The following TNRC18 variants were observed in gnomAD, a reference collection of about 807,000 sequenced individuals.
TNRC18 encodes the protein trinucleotide repeat-containing gene 18 protein.
In TNRC18, 69 loss-of-function variants were observed where a neutral mutation model predicts 226.7. The ratio of observed to expected loss-of-function variants is 0.30; its 90% confidence interval spans 0.25 to 0.37. TNRC18 has a LOEUF of 0.37. Among genes scored for constraint, TNRC18 ranks in the 10% least tolerant of loss-of-function variants. The probability of loss-of-function intolerance (pLI) is 1.00; values close to 1 mark genes in which losing one functional copy is unlikely to be tolerated. For synonymous variants in TNRC18, 2,449 were observed against 1,927.6 expected, an observed-to-expected ratio of 1.27 and a Z score of -7.09; for missense variants, 4,754 against 4,256.6, an observed-to-expected ratio of 1.12 and a Z score of -3.25.
At position 5,307,848 on chromosome 7, in the gene TNRC18, A is replaced by AC. The variant is rs1427559738; in HGVS notation, c.*257dup. 2.8e-5 allele frequency: 15 copies of AC among 541,274 alleles called. No individual in the cohort carries two copies. Among genetic ancestry groups the AC allele is most frequent in the Non-Finnish European group, 4.4e-5 (13 of 298,632 alleles). The allele number at this position is 541,274 out of a possible 1,614,324, so 33.5% of individuals were successfully genotyped here. A position where few individuals can be genotyped will look rare whatever the true frequency, so the allele number is the denominator to read the frequency against. On this transcript the variant is annotated 3_prime_UTR_variant, in exon 30 of 30. Transcript: ENST00000430969. ...GGGCAGGAAGGGCCGGTCCGGCCATACCCTGATAGCTAAGAGGGGCCCCTG... is the reference window on the plus strand; with the variant it reads ...GGGCAGGAAGGGCCGGTCCGGCCATACCCCTGATAGCTAAGAGGGGCCCCTG...
Position 5,388,981 on chromosome 7 carries a change from C to A in TNRC18, c.843G>T (p.Leu281=). 1 of 1,389,424 alleles carries A rather than the reference C, an allele frequency of 7.2e-7. No individual in the cohort carries two copies. Among genetic ancestry groups the A allele is most frequent in the South Asian group, 1.4e-5 (1 of 71,484 alleles). 86.1% of individuals were successfully genotyped at this position (1,389,424 alleles called of 1,614,324 possible). ...TKNAALQPSV[L]TMCNGGAGDV... is the part of the protein sequence containing the mutation. The stretch of plus-strand genomic sequence containing the variant: ...CCCCGGCGCCGCCGTTGCACATGGT[C>A]AGTACCGACGGCTGCAGCGCCGCAT... Residue 281 remains leucine (L), a synonymous_variant, in exon 5 of 30, where the codon CTG becomes CTT. Coordinates refer to ENST00000430969, the MANE Select transcript of TNRC18 (RefSeq NM_001080495.3).
chr7:5,322,280 A>AGTAATCATC (rs1554271891), intron 21 of TNRC18, among the ~76,000 whole-genome samples: 1 of 62,692 alleles, frequency 1.6e-5, no homozygotes, highest in African/African-American at 5.3e-5. Flanking sequence ...ATTCCGTCTC[A>AGTAATCATC]ATAATCATCA....
chr7:5,377,976 C>A lies in TNRC18; in HGVS notation c.2201G>T (p.Arg734Leu), dbSNP rs770701991. The change falls in exon 6 of 30, where the codon CGG becomes CTG. Residue 734 changes from arginine to leucine, a missense_variant. Physicochemically the swap from Arg to Leu is moderately radical, Grantham distance 102 (BLOSUM62 -2). Coordinates refer to ENST00000430969, the MANE Select transcript of TNRC18 (RefSeq NM_001080495.3). The surrounding 1 kb of genome is among the most constrained non-coding windows in gnomAD (Gnocchi z 5.8). ...CCGTGCCCCGAGCAGCCGTTCCTCC[C>A]GGTGTCTGGCCCGGTCGTCCACACA... ...EDCVDDRARH[R>L]EERLLGARLD... 2 of 1,613,444 alleles carry A rather than the reference C, an allele frequency of 1.2e-6. No homozygotes were observed. The highest frequency in any genetic ancestry group is 2.2e-5 in the South Asian group (2 of 91,064).
chr7:5,341,373 C>G (rs956448007), intron 18 of TNRC18, among the ~76,000 whole-genome samples: 4 of 145,224 alleles, frequency 2.8e-5, no homozygotes, highest in African/African-American at 1.0e-4. Flanking sequence ...GAGCAGAGAT[C>G]ACGCCACTGC....
rs1321440306 is a variant in TNRC18, at chr7:5,376,911, C to A, written c.2544G>T (p.Gln848His). Residue 848 changes from glutamine (Q) to histidine (H), a missense_variant, in exon 8 of 30, where the codon CAG becomes CAT. Transcript: ENST00000430969. ...GLGGSLPSAY[Q>H]FVRDPQSGQL... ...GGCCCGATTGGGGGTCCCTGACAAA[C>A]TGGTAGGCTGACGGGAGGGAGCCCC... 3.1e-6 allele frequency: 5 copies of A among 1,608,242 alleles called. No individual in the cohort carries two copies. The highest frequency in any genetic ancestry group is 4.2e-6 in the Non-Finnish European group (5 of 1,177,446).
chr7:5,333,637 C>A (rs1789790328), intron 18 of TNRC18, among the ~76,000 whole-genome samples: 1 of 152,112 alleles, frequency 6.6e-6, no homozygotes, highest in East Asian at 1.9e-4. Context: ...AGCTCCCGGG[C>A]TGCTTGAATG....
rs374589169 is a variant in TNRC18, at chr7:5,361,690, G to A, written c.4565C>T (p.Ala1522Val). The change falls in exon 14 of 30, where the codon GCA becomes GTA. Residue 1522 changes from alanine (A) to valine (V), a missense_variant. Ala to Val is a moderately conservative substitution (Grantham distance 64). Coordinates refer to ENST00000430969, the MANE Select transcript of TNRC18 (RefSeq NM_001080495.3). ...DRREEPHRSL[A>V]RRGPGRPRKR... ...CCGCGGCCTGCCAGGGCCTCTGCGT[G>A]CCAAGCTTCTATGGGGTTCCTCGCG... 12 of 1,566,586 alleles carry A rather than the reference G, an allele frequency of 7.7e-6. No individual in the cohort carries two copies. Among genetic ancestry groups the A allele is most frequent in the Non-Finnish European group, 9.5e-6 (11 of 1,156,562 alleles).
chr7:5,372,156 C>G (rs1020899430), intron 10 of TNRC18, among the ~76,000 whole-genome samples: 1 of 152,044 alleles, frequency 6.6e-6, no homozygotes, highest in African/African-American at 2.4e-5. Flanking sequence ...CAAGCTCCAC[C>G]TCCTGGGTTC....
intron 3 of TNRC18, among the ~76,000 whole-genome samples, chr7:5,391,967 G>C (rs2128199509): frequency 6.6e-6 from 1 of 151,606 alleles, no homozygotes. Flanking sequence ...AGAGTCCTAT[G>C]GGATCCCAGG....
intron 24 of TNRC18, among the ~76,000 whole-genome samples, chr7:5,316,274 CTTTTTTTTTT>C (rs1278896095): frequency 2.9e-4 from 25 of 86,550 alleles, no homozygotes; most frequent in African/African-American, 1.1e-3. Flanking sequence ...AGAAATGGGT[CTTTTTTTTTT>C]TTTTTTTTTT....
intron 2 of TNRC18, among the ~76,000 whole-genome samples, chr7:5,402,047 C>T (rs532323272): frequency 1.3e-5 from 2 of 152,038 alleles, no homozygotes; most frequent in East Asian, 3.9e-4. Context: ...GGCGTGGTGG[C>T]GGGCCCCTGT....
intron 11 of TNRC18, 47 bp from the exon 12 acceptor site, chr7:5,362,872 C>A: frequency 6.9e-7 from 1 of 1,450,274 alleles, no homozygotes; most frequent in Admixed American, 2.7e-5. Flanking sequence ...ACCCCTTCCC[C>A]AACCCCAAAC....
Position 5,320,532 on chromosome 7 carries a change from C to T in TNRC18, c.6636G>A (p.Ala2212=). 2 of 1,609,714 alleles carry T rather than the reference C, an allele frequency of 1.2e-6. No homozygotes were observed. The highest frequency in any genetic ancestry group is 1.7e-6 in the Non-Finnish European group (2 of 1,179,014). The change falls in exon 23 of 30, where the codon GCG becomes GCA. Residue 2212 remains alanine, a splice_region_variant and synonymous_variant. Transcript: ENST00000430969. ...CGAGGCCCCGCCCCTCCCCCCTCAC[C>T]GCCTCCTGCAGCAACTGCTCCAGAC... ...IYCLEQLLQE[A]IIDVRPASTR...
intron 1 of TNRC18, among the ~76,000 whole-genome samples, chr7:5,421,714 G>C (rs1339368316): frequency 6.6e-6 from 1 of 152,194 alleles, no homozygotes; most frequent in Admixed American, 6.5e-5. Flanking sequence ...GCTCGGAAAA[G>C]TGACCGGCGG....
chr7:5,419,631 C>A (rs1406613761), intron 2 of TNRC18, among the ~76,000 whole-genome samples: 2 of 152,234 alleles, frequency 1.3e-5, no homozygotes, highest in Non-Finnish European at 2.9e-5. Flanking sequence ...CGGTCACAGA[C>A]CCCGGGCGGA....
chr7:5,328,911 A>C (rs1207471153), intron 19 of TNRC18, among the ~76,000 whole-genome samples: 1 of 152,156 alleles, frequency 6.6e-6, no homozygotes. Flanking sequence ...AACTGCTCGA[A>C]CTTGGAAATT....
intron 27 of TNRC18, among the ~76,000 whole-genome samples, chr7:5,311,390 G>C (rs1364999772): frequency 1.3e-5 from 2 of 152,260 alleles, no homozygotes; most frequent in South Asian, 4.1e-4. Flanking sequence ...ACTCAGGGGT[G>C]GGCACATGAT....
At chr7:5,359,674 G>T in intron 14 of TNRC18, 105 bp from the exon 15 acceptor site, 2 of 1,257,458 alleles carry the variant, frequency 1.6e-6, no homozygotes, top group Non-Finnish European at 2.3e-6. Flanking sequence ...CCCTGAGCGT[G>T]GACAGTGATG....
intron 16 of TNRC18, among the ~76,000 whole-genome samples, chr7:5,354,478 G>A (rs1001630628): frequency 5.9e-5 from 9 of 151,614 alleles, no homozygotes; most frequent in African/African-American, 1.9e-4. Flanking sequence ...TTTCCAAAAT[G>A]AGCAGAGATT....
Sources: allele counts gnomAD v4.1 joint callset (sites outside exome capture counted in the v4.1 genomes callset), GRCh38; gene constraint gnomAD v4.1.1; non-coding constraint Gnocchi (gnomAD v3.1); transcripts MANE v1.5; gene names NCBI Gene and HGNC (gene_info 2026-07-23, HGNC 2026-07-21).